Variants in PIGL observed in about 807,000 individuals in gnomAD.
PIGL encodes N-acetylglucosaminyl-phosphatidylinositol de-N-acetylase.
Under a neutral mutation model 31.1 loss-of-function variants are expected in PIGL, and 22 were observed. The observed-to-expected ratio is 0.71, with a 90% CI of 0.51 to 1.01. PIGL has a LOEUF of 1.01. Among genes scored for constraint, PIGL ranks in the 50% least tolerant of loss-of-function variants. The pLI is 0.00. For synonymous variants in PIGL, 131 were observed against 117.4 expected (o/e 1.12, Z -0.75); for missense variants, 302 against 315.9 (o/e 0.96, Z 0.33).
At chr17:16,306,522 C>CTTTTTTTTTTTTTTT (rs34479966) in intron 3 of PIGL, among the ~76,000 whole-genome samples, 1 of 113,672 alleles carries the variant, frequency 8.8e-6, no homozygotes, top group Non-Finnish European at 1.7e-5. Context: ...GTTATACGAT[C>CTTTTTTTTTTTTTTT]TTTTTTTTTT....
intron 6 of PIGL, among the ~76,000 whole-genome samples, chr17:16,325,332 C>CAAAAAAAAAAAAAAAA (rs55958956): frequency 1.4e-5 from 1 of 69,278 alleles, no homozygotes; most frequent in African/African-American, 5.8e-5. Flanking sequence ...GCAACAGGCT[C>CAAAAAAAAAAAAAAAA]AAAAAAAAAA....
chr17:16,259,281 G>GAA lies in PIGL; in HGVS notation c.335+25224_335+25225dup, dbSNP rs200555325. On this transcript the variant is annotated intron_variant, in intron 2 of 6. Transcript: ENST00000225609. The stretch of plus-strand genomic sequence containing the variant: ...TAAGCCTCGATCCTGGACTTTGCAG[G>GAA]AAAAAAAAAAAAAAGAATAATACAT... 6.6e-3 allele frequency among the ~76,000 whole-genome samples: 902 copies of GAA among 137,356 alleles called. 14 individuals are homozygous for GAA. Among genetic ancestry groups the GAA allele is most frequent in the African/African-American group, 0.022 (841 of 37,946 alleles). The allele number at this position is 137,356 out of a possible 152,430, so 90.1% of individuals were successfully genotyped here.
intron 3 of PIGL, among the ~76,000 whole-genome samples, chr17:16,307,242 T>C (rs890245700): frequency 6.6e-5 from 10 of 152,210 alleles, no homozygotes; most frequent in Non-Finnish European, 1.5e-4. Context: ...CATGGCACTC[T>C]GAGAGGATGT....
In PIGL at chr17:16,235,164, C is replaced by G. The variant is rs1387599925; in HGVS notation, c.335+1094C>G. ...CTACAGACAGCCATTATCATTACAT[C>G]TAACAATATTAACAATAACAGTAAT... On this transcript the variant is annotated intron_variant, in intron 2 of 6. Transcript: ENST00000225609. 2.0e-5 allele frequency among the ~76,000 whole-genome samples: 3 copies of G among 152,190 alleles called. No individual in the cohort carries two copies. The East Asian group carries it at 5.8e-4, about 29-fold the overall frequency.
At chr17:16,296,170 A>T (rs1160412144) in intron 2 of PIGL, among the ~76,000 whole-genome samples, 1 of 152,230 alleles carries the variant, frequency 6.6e-6, no homozygotes, top group Non-Finnish European at 1.5e-5. Context: ...AAATGTAAAC[A>T]GAAAAACAGG....
intron 2 of PIGL, among the ~76,000 whole-genome samples, chr17:16,296,290 CA>C: frequency 6.6e-6 from 1 of 152,072 alleles, no homozygotes; most frequent in East Asian, 1.9e-4. Context: ...AAGTGGCCAT[CA>C]AAGAGCTCTG....
At chr17:16,277,026 A>G (rs2092898816) in intron 2 of PIGL, among the ~76,000 whole-genome samples, 2 of 152,224 alleles carry the variant, frequency 1.3e-5, no homozygotes, top group South Asian at 4.1e-4. Flanking sequence ...TCAAATATCT[A>G]TATGAGTTGG....
In PIGL at chr17:16,217,387, C is replaced by T. The variant is rs766219419; in HGVS notation, c.161C>T (p.Ala54Val). The T allele has an allele frequency of 6.2e-7, 1 of 1,614,180 alleles. No homozygotes were observed. The highest frequency in any genetic ancestry group is 1.3e-5 in the African/African-American group (1 of 75,036). The change falls in exon 1 of 7, where the codon GCC becomes GTC. Residue 54 changes from alanine to valine, a missense_variant. Coordinates refer to ENST00000225609, the MANE Select transcript of PIGL (RefSeq NM_004278.4). ...LLVIAHPDDE[A>V]MFFAPTVLGL... Reference sequence around the variant, plus strand: ...GTCATAGCGCACCCTGACGATGAAGCCATGTTTTTTGCTCCCACAGTGCTA... The same window carrying T: ...GTCATAGCGCACCCTGACGATGAAGTCATGTTTTTTGCTCCCACAGTGCTA...
At chr17:16,313,638 GT>G in intron 4 of PIGL, 24 bp downstream of exon 4, 1 of 1,568,744 alleles carries the variant, frequency 6.4e-7, no homozygotes, top group South Asian at 1.1e-5. Context: ...GGTGATGGAT[GT>G]GGGGGAGGGT....
intron 2 of PIGL, among the ~76,000 whole-genome samples, chr17:16,248,349 A>G (rs1271518695): frequency 6.6e-6 from 1 of 152,258 alleles, no homozygotes; most frequent in Non-Finnish European, 1.5e-5. Context: ...AATTTTACTT[A>G]GAATTCGCCT....
intron 6 of PIGL, among the ~76,000 whole-genome samples, chr17:16,319,814 A>G (rs184291598): frequency 1.3e-5 from 2 of 151,270 alleles, no homozygotes; most frequent in Admixed American, 1.3e-4. Context: ...CAGGGTGAGG[A>G]AGAGCTAGGC....
chr17:16,223,506 G>A (rs191902925), intron 1 of PIGL, among the ~76,000 whole-genome samples: 2 of 152,252 alleles, frequency 1.3e-5, no homozygotes, highest in African/African-American at 4.8e-5. Context: ...GAACCCAGGA[G>A]GTGGAGGTTG....
At chr17:16,245,315 C>A (rs190638068) in intron 2 of PIGL, among the ~76,000 whole-genome samples, 1 of 151,574 alleles carries the variant, frequency 6.6e-6, no homozygotes, top group Non-Finnish European at 1.5e-5. Flanking sequence ...TTAGTAGAGA[C>A]GGGATTTTGC....
At chr17:16,231,214 A>G (rs1206525582) in intron 1 of PIGL, among the ~76,000 whole-genome samples, 1 of 145,284 alleles carries the variant, frequency 6.9e-6, no homozygotes, top group African/African-American at 2.5e-5. Flanking sequence ...CCAGCTTCTT[A>G]CTGATTTATT....
intron 3 of PIGL, among the ~76,000 whole-genome samples, chr17:16,304,398 A>G (rs901111595): frequency 2.6e-5 from 4 of 152,214 alleles, no homozygotes; most frequent in Admixed American, 2.6e-4. Context: ...GTCTGGTCCC[A>G]GCTCTGTAGT....
chr17:16,260,439 A>G (rs2142747979), intron 2 of PIGL, among the ~76,000 whole-genome samples: 1 of 152,308 alleles, frequency 6.6e-6, no homozygotes, highest in Non-Finnish European at 1.5e-5. Flanking sequence ...AGCCAGATTC[A>G]GGCAGACAAC....
intron 3 of PIGL, among the ~76,000 whole-genome samples, chr17:16,310,171 A>C (rs1000974462): frequency 6.6e-6 from 1 of 152,132 alleles, no homozygotes; most frequent in African/African-American, 2.4e-5. Flanking sequence ...TCTGTTGTTA[A>C]AATTCTTCCA....
chr17:16,237,745 GC>G (rs2092705270), intron 2 of PIGL, among the ~76,000 whole-genome samples: 1 of 139,872 alleles, frequency 7.1e-6, no homozygotes. Context: ...GCTGCAGTGA[GC>G]CAAGATCATG....
In PIGL at chr17:16,227,008, A is replaced by G. The variant is rs987558018; in HGVS notation, c.236-6963A>G. Among the ~76,000 whole-genome samples, 49 of 152,074 alleles carry G rather than the reference A, an allele frequency of 3.2e-4. 1 individual carries two copies. The highest frequency in any genetic ancestry group is 2.9e-5 in the Non-Finnish European group (2 of 68,016). On this transcript the variant is annotated intron_variant, in intron 1 of 6. Coordinates refer to ENST00000225609, the MANE Select transcript of PIGL (RefSeq NM_004278.4). Reference sequence around the variant, plus strand: ...AGAACATGTTTGCCTTTTATCTCACATGTTCAGGTATTCATCCTGAGGGTT... The same window carrying G: ...AGAACATGTTTGCCTTTTATCTCACGTGTTCAGGTATTCATCCTGAGGGTT...
Sources: allele counts gnomAD v4.1 joint callset (sites outside exome capture counted in the v4.1 genomes callset), GRCh38; gene constraint gnomAD v4.1.1; transcripts MANE v1.5; gene names NCBI Gene and HGNC (gene_info 2026-07-23, HGNC 2026-07-21).